CADPS: variants seen among roughly 807,000 people sequenced by gnomAD.
The protein encoded by CADPS is calcium-dependent secretion activator 1.
In CADPS, 57 loss-of-function variants were observed where a neutral mutation model predicts 167.3. The ratio of observed to expected loss-of-function variants is 0.34; its 90% CI spans 0.28 to 0.42. The LOEUF (loss-of-function observed/expected upper bound fraction) is 0.42. Among genes scored for constraint, CADPS ranks in the 20% least tolerant of loss-of-function variants. CADPS has a pLI of 1.00. For missense variants in CADPS, 1,414 were observed against 1,738.1 expected (o/e 0.81, Z 3.32); for synonymous variants, 676 against 635.3 (o/e 1.06, Z -0.96).
intron 1 of CADPS, among the ~76,000 whole-genome samples, chr3:62,811,489 A>G (rs569897642): frequency 2.0e-5 from 3 of 152,328 alleles, no homozygotes; most frequent in Admixed American, 1.3e-4. Context: ...CAAACCTACC[A>G]TTTGTAGATT....
intron 18 of CADPS, 78 bp downstream of exon 18, chr3:62,499,084 C>G (rs1324744706): frequency 1.2e-6 from 1 of 830,136 alleles, no homozygotes; most frequent in Non-Finnish European, 2.0e-6. Context: ...GCATCTTATT[C>G]ACAATCTGGC....
intron 6 of CADPS, among the ~76,000 whole-genome samples, chr3:62,605,233 C>A (rs2060529718): frequency 8.1e-6 from 1 of 123,764 alleles, no homozygotes; most frequent in African/African-American, 3.2e-5. Context: ...AAAACAGGAG[C>A]CAAATGAGGG....
chr3:62,661,261 T>C (rs187809387), intron 4 of CADPS, among the ~76,000 whole-genome samples: 2 of 152,286 alleles, frequency 1.3e-5, no homozygotes, highest in East Asian at 3.9e-4. Flanking sequence ...GATGAGCTGC[T>C]ATAATAAAGG....
chr3:62,445,712 G>GAAAAAAAAAA (rs369250660), intron 27 of CADPS, 53 bp downstream of exon 27: 35 of 876,824 alleles, frequency 4.0e-5, no homozygotes, highest in South Asian at 1.6e-4. Flanking sequence ...AAGTAAAAAT[G>GAAAAAAAAAA]AAAAAAAAAA....
At chr3:62,871,862 A>G (rs935651769) in intron 1 of CADPS, among the ~76,000 whole-genome samples, 2 of 152,186 alleles carry the variant, frequency 1.3e-5, no homozygotes, top group Admixed American at 6.5e-5. Flanking sequence ...AACTCTCTGT[A>G]CCGTATATCA....
chr3:62,708,118 T>G (rs2082669150), intron 3 of CADPS, among the ~76,000 whole-genome samples: 1 of 151,958 alleles, frequency 6.6e-6, no homozygotes, highest in South Asian at 2.1e-4. Flanking sequence ...AGAGGTGAAG[T>G]CTCACCTGTT....
intron 21 of CADPS, among the ~76,000 whole-genome samples, chr3:62,484,832 G>T (rs1049551589): frequency 5.3e-5 from 8 of 152,148 alleles, no homozygotes; most frequent in African/African-American, 7.2e-5. Flanking sequence ...GGATGGGGTT[G>T]TATTTAAGAT....
intron 1 of CADPS, among the ~76,000 whole-genome samples, chr3:62,838,379 A>G (rs1405683754): frequency 6.6e-6 from 1 of 152,198 alleles, no homozygotes; most frequent in African/African-American, 2.4e-5. Context: ...TATAAGCCAT[A>G]TGATATTCTC....
chr3:62,535,952 C>G (rs1422085134), intron 12 of CADPS: 4 of 151,446 alleles, frequency 2.6e-5, no homozygotes, highest in African/African-American at 9.7e-5. Flanking sequence ...AAAAAAAAAG[C>G]CATCCAAACA....
chr3:62,599,664 A>T (rs1272429506), intron 6 of CADPS, among the ~76,000 whole-genome samples: 15 of 56,076 alleles, frequency 2.7e-4, no homozygotes, highest in African/African-American at 1.2e-3. Context: ...AATATAATAT[A>T]TATTATATAT....
chr3:62,695,176 T>C (rs968703956), intron 3 of CADPS, among the ~76,000 whole-genome samples: 5 of 152,112 alleles, frequency 3.3e-5, no homozygotes, highest in Non-Finnish European at 5.9e-5. Flanking sequence ...TGATGATTGC[T>C]GAGATTTTTT....
At chr3:62,464,009 G>T (rs927936197) in intron 26 of CADPS, among the ~76,000 whole-genome samples, 2 of 152,192 alleles carry the variant, frequency 1.3e-5, no homozygotes, top group African/African-American at 4.8e-5. Context: ...TATTTGGAAA[G>T]AAGTTGTGTG....
rs2085024403 is a variant in CADPS, at chr3:62,760,098, T to C, written c.555+5773A>G. Among the ~76,000 whole-genome samples, 3 of 152,120 alleles carry C rather than the reference T, an allele frequency of 2.0e-5. No homozygotes were observed. The South Asian group carries it at 6.2e-4, about 32-fold the overall frequency. On this transcript the variant is annotated intron_variant, in intron 2 of 29. Transcript: ENST00000383710. ...CTGCTCCATCTTGCACCTCCCTTCC[T>C]CCATGCCCAGGGAGTGAATTGATTC...
Position 62,665,332 on chromosome 3 carries a change from A to T in CADPS, c.889-2938T>A, listed in dbSNP as rs535648108. ...ATTATTCCACCAAAAATCACAGAGC[A>T]GTTTGGAAAATTCCACATGTGAAAC... On this transcript the variant is annotated intron_variant, in intron 3 of 29. Transcript: ENST00000383710. Among the ~76,000 whole-genome samples the T allele has an allele frequency of 3.3e-5, 5 of 152,360 alleles. No individual in the cohort carries two copies. The East Asian group carries it at 9.6e-4, about 29-fold the overall frequency.
Position 62,399,635 on chromosome 3 carries a change from G to C in CADPS, c.3883-50C>G. On this transcript the variant is annotated intron_variant, in intron 29 of 29. Transcript: ENST00000383710. This position sits in a 1 kb window ranked among gnomAD's most constrained non-coding sequence, Gnocchi z 5.6. The stretch of plus-strand genomic sequence containing the variant: ...TAAGAGAGATCTCATCTCCATGATG[G>C]GGAGGGAGAAGGTAAAAGCAGGTGT... 6.6e-7 allele frequency: 1 copy of C among 1,517,032 alleles called. No homozygotes were observed. Among genetic ancestry groups the C allele is most frequent in the Non-Finnish European group, 9.1e-7 (1 of 1,096,920 alleles). The allele number at this position is 1,517,032 out of a possible 1,614,324, so 94.0% of individuals were successfully genotyped here.
chr3:62,743,939 G>A (rs2080885413), intron 3 of CADPS, among the ~76,000 whole-genome samples: 1 of 152,152 alleles, frequency 6.6e-6, no homozygotes, highest in Admixed American at 6.5e-5. Flanking sequence ...AGTCTAGACA[G>A]GATCAATAAA....
In CADPS at chr3:62,671,289, T is replaced by TA. The variant is rs2075466023; in HGVS notation, c.889-8896dup. Among the ~76,000 whole-genome samples the TA allele has an allele frequency of 2.6e-5, 4 of 152,018 alleles. No homozygotes were observed. In the South Asian group the frequency reaches 8.3e-4, roughly 32 times the overall value. On this transcript the variant is annotated intron_variant, in intron 3 of 29. Coordinates refer to ENST00000383710, the MANE Select transcript of CADPS (RefSeq NM_003716.4). ...AGAGGATACAGCTGTGTTTTTTTTT[T>TA]AATGGATTATCTTAATAATCTTTAT... is the stretch of plus-strand genomic sequence containing the variant.
At chr3:62,634,407 G>A (rs1053346330) in intron 6 of CADPS, among the ~76,000 whole-genome samples, 1 of 152,080 alleles carries the variant, frequency 6.6e-6, no homozygotes, top group Non-Finnish European at 1.5e-5. Context: ...ACATATTTTT[G>A]TAGTTCCACT....
intron 23 of CADPS, among the ~76,000 whole-genome samples, chr3:62,475,215 T>C (rs568202929): frequency 6.6e-6 from 1 of 152,300 alleles, no homozygotes; most frequent in South Asian, 2.1e-4. Flanking sequence ...GGCCAGCTGG[T>C]AATACAGGTG....
Sources: gnomAD v4.1 joint callset for allele counts (sites outside exome capture counted in the v4.1 genomes callset) on GRCh38, gnomAD v4.1.1 for gene constraint, Gnocchi (gnomAD v3.1) non-coding constraint, MANE v1.5 for transcripts, NCBI Gene and HGNC (gene_info 2026-07-23, HGNC 2026-07-21) for gene names.